CHAT: variants seen among roughly 807,000 people sequenced by gnomAD.
CHAT encodes the protein choline O-acetyltransferase.
A neutral mutation model predicts 76.9 loss-of-function variants in CHAT; 61 were observed. The ratio of observed to expected loss-of-function variants is 0.79; its 90% CI spans 0.65 to 0.98. The LOEUF is 0.98. CHAT is among the 50% of genes least tolerant of loss of function. The probability of loss-of-function intolerance (pLI) is 0.00; values close to 1 mark genes in which losing one functional copy is unlikely to be tolerated. For missense variants in CHAT, 946 were observed against 986.9 expected, an observed-to-expected ratio of 0.96 and a Z score of 0.56; for synonymous variants, 407 against 397.4, an observed-to-expected ratio of 1.02 and a Z score of -0.29.
At chr10:49,647,648 A>T (rs1839715624) in intron 8 of CHAT, among the ~76,000 whole-genome samples, 1 of 152,190 alleles carries the variant, frequency 6.6e-6, no homozygotes, top group South Asian at 2.1e-4. Flanking sequence ...CTAATGGCTT[A>T]TCATCTTTCA....
intron 10 of CHAT, 112 bp from the exon 11 acceptor site, chr10:49,651,772 G>A (rs946989147): frequency 2.6e-5 from 29 of 1,108,380 alleles, no homozygotes; most frequent in African/African-American, 9.3e-5. Context: ...GACTACGTCC[G>A]CACCTTCCAG....
intron 13 of CHAT, among the ~76,000 whole-genome samples, chr10:49,656,654 C>T (rs1298381025): frequency 6.6e-6 from 1 of 152,132 alleles, no homozygotes; most frequent in East Asian, 1.9e-4. Flanking sequence ...AAGACCCATT[C>T]GAGGAAAAGC....
intron 6 of CHAT, 52 bp downstream of exon 6, chr10:49,625,705 T>A (rs772100715): frequency 6.6e-7 from 1 of 1,505,410 alleles, no homozygotes; most frequent in South Asian, 1.2e-5. Flanking sequence ...ACAGTGGCCA[T>A]GCGTTCACGT....
At chr10:49,653,515 G>A (rs187056215) in intron 11 of CHAT, among the ~76,000 whole-genome samples, 31 of 152,314 alleles carry the variant, frequency 2.0e-4, no homozygotes, top group Admixed American at 7.2e-4. Flanking sequence ...TGAACAGGCA[G>A]CACCCGTGTA....
At chr10:49,615,996 T>A in intron 1 of CHAT, 7 of 1,600,432 alleles carry the variant, frequency 4.4e-6, no homozygotes, top group Non-Finnish European at 6.0e-6. Context: ...CACCCACGCA[T>A]GCATTCCTTT....
rs775557792 is a variant in CHAT at position 49,649,577 on chromosome 10, G to C, written c.1452G>C (p.Arg484=). The C allele has an allele frequency of 6.2e-7, 1 of 1,613,802 alleles. No individual in the cohort carries two copies. Among genetic ancestry groups the C allele is most frequent in the Non-Finnish European group, 8.5e-7 (1 of 1,180,060 alleles). ...AGCTCCCCGCCCCCCGGAGGCTGCGGTGGAAATGCTCCCCGGAAATTCAAG... is the reference window on the plus strand; with the variant it reads ...AGCTCCCCGCCCCCCGGAGGCTGCGCTGGAAATGCTCCCCGGAAATTCAAG... ...VSELPAPRRL[R]WKCSPEIQGH... Residue 484 remains arginine, a synonymous_variant, in exon 10 of 15, where the codon CGG becomes CGC. Transcript: ENST00000337653.
In CHAT at chr10:49,655,205, G is replaced by A. The variant is rs758095810; in HGVS notation, c.1745G>A (p.Arg582Lys). 6.2e-7 allele frequency: 1 copy of A among 1,614,082 alleles called. No homozygotes were observed. The highest frequency in any genetic ancestry group is 1.7e-5 in the Admixed American group (1 of 60,028). The change falls in exon 12 of 15, where the codon AGA (arginine) becomes AAA (lysine). Residue 582 changes from arginine to lysine, a missense_variant. By Grantham distance (26) the Arg-to-Lys change is conservative. This residue lies in a region of CHAT where 349 missense variants were observed against 393.9 expected (regional missense o/e 0.89). Transcript: ENST00000337653. Reference sequence around the variant, plus strand: ...ACTCCAGAGGCACTGGCTTTTGTGAGAGCCGTGACTGACCACAAGGCTGCT... The same window carrying A: ...ACTCCAGAGGCACTGGCTTTTGTGAAAGCCGTGACTGACCACAAGGCTGCT... ...SATPEALAFVRAVTDHKAAVP... is the reference protein window; with the variant it reads ...SATPEALAFVKAVTDHKAAVP...
chr10:49,617,607 G>A (rs12256799), intron 2 of CHAT, among the ~76,000 whole-genome samples: 2,091 of 152,238 alleles, frequency 0.014, 59 homozygotes, highest in African/African-American at 0.048. Context: ...AAGTCACAGC[G>A]CACTGTCAGA....
At chr10:49,621,363 C>A (rs1838701468) in intron 4 of CHAT, among the ~76,000 whole-genome samples, 1 of 152,158 alleles carries the variant, frequency 6.6e-6, no homozygotes, top group Non-Finnish European at 1.5e-5. Context: ...TAGCTGGGGT[C>A]TCCCCAGGGA....
At chr10:49,622,321 G>T (rs899306521) in intron 5 of CHAT, among the ~76,000 whole-genome samples, 171 bp downstream of exon 5, 2 of 152,222 alleles carry the variant, frequency 1.3e-5, no homozygotes, top group Non-Finnish European at 2.9e-5. Flanking sequence ...CTTTAGCCTG[G>T]CTGGCCTGTC....
Position 49,665,130 on chromosome 10 carries a change from GC to G in CHAT, c.*85del. ...ATCCCCACTCCCGTCCCTTACCCCAGCTTTCCACAGCTCCCTGTCCTCAGGG... is the reference window on the plus strand; with the variant it reads ...ATCCCCACTCCCGTCCCTTACCCCAGTTTCCACAGCTCCCTGTCCTCAGGG... On this transcript the variant is annotated 3_prime_UTR_variant, in exon 15 of 15. Transcript: ENST00000337653. 7.0e-7 allele frequency: 1 copy of G among 1,425,816 alleles called. No individual in the cohort carries two copies. Among genetic ancestry groups the G allele is most frequent in the Non-Finnish European group, 9.8e-7 (1 of 1,015,878 alleles). 88.3% of individuals were successfully genotyped at this position (1,425,816 alleles called of 1,614,324 possible).
At position 49,662,829 on chromosome 10, in the gene CHAT, CT is replaced by C. The variant is rs781541923; in HGVS notation, c.1977+50del. The stretch of plus-strand genomic sequence containing the variant: ...GCCCAAGAGTAGTGTAGTCAGTAAG[CT>C]TTCTAAAGAGCAGTGACAACAAGCC... On this transcript the variant is annotated intron_variant, in intron 14 of 14. Transcript: ENST00000337653. The C allele has an allele frequency of 2.5e-6, 4 of 1,613,262 alleles. No individual in the cohort carries two copies. In the South Asian group the frequency reaches 4.4e-5, roughly 18 times the overall value.
At chr10:49,612,336 C>G (rs1838324239), upstream of CHAT, 3 of 1,581,782 alleles carry the variant, frequency 1.9e-6, no homozygotes, top group Admixed American at 1.7e-5. Context: ...ACACCCGCAG[C>G]TAGCATCCCC....
chr10:49,621,861 A>AGAACCACATCTGATTAGTGCAG (rs372971047), intron 4 of CHAT, among the ~76,000 whole-genome samples: 52 of 118,008 alleles, frequency 4.4e-4, no homozygotes, highest in East Asian at 4.2e-3. Flanking sequence ...CTGGGGGGCA[A>AGAACCACATCTGATTAGTGCAG]GAACCACATC....
chr10:49,645,539 C>T (rs10400043), intron 7 of CHAT, among the ~76,000 whole-genome samples: 3,190 of 152,282 alleles, frequency 0.021, 98 homozygotes, highest in African/African-American at 0.065. Context: ...AATGGGAACA[C>T]GCAGCGGGAG....
At chr10:49,662,844 T>G in intron 14 of CHAT, 62 bp downstream of exon 14, 1 of 1,605,348 alleles carries the variant, frequency 6.2e-7, no homozygotes, top group Non-Finnish European at 8.5e-7. Context: ...TAAAGAGCAG[T>G]GACAACAAGC....
At chr10:49,610,713 G>A (rs771829032), upstream of CHAT, 6 of 1,467,580 alleles carry the variant, frequency 4.1e-6, no homozygotes, top group Non-Finnish European at 5.4e-6. Flanking sequence ...TGGCGGAGGC[G>A]TCCTCGGAAG....
At chr10:49,620,415 A>G in intron 3 of CHAT, 80 bp from the exon 4 acceptor site, 1 of 924,922 alleles carries the variant, frequency 1.1e-6, no homozygotes. Context: ...GCTCTGGTGA[A>G]GTGTCCCGAT....
intron 5 of CHAT, among the ~76,000 whole-genome samples, chr10:49,622,868 G>C (rs2132720946): frequency 6.6e-6 from 1 of 152,314 alleles, no homozygotes; most frequent in South Asian, 2.1e-4. Context: ...GCAGAGCAAG[G>C]AGGGGGCAAG....
Sources: gnomAD v4.1 joint callset for allele counts (sites outside exome capture counted in the v4.1 genomes callset) on GRCh38, gnomAD v4.1.1 for gene constraint, gnomAD v4.1.1 regional missense constraint, MANE v1.5 for transcripts, NCBI Gene and HGNC (gene_info 2026-07-23, HGNC 2026-07-21) for gene names.